Variants in PTPRD observed in about 807,000 individuals in gnomAD.
The protein encoded by PTPRD is receptor-type tyrosine-protein phosphatase delta.
A neutral mutation model predicts 214.5 loss-of-function variants in PTPRD; 34 were observed. That is an observed-to-expected ratio of 0.16 (90% CI 0.12 to 0.21). The LOEUF (loss-of-function observed/expected upper bound fraction) is 0.21, where lower values mean the gene tolerates loss of function less well. Ranked by LOEUF, PTPRD falls within the 10% of genes least tolerant of loss-of-function variation. The pLI is 1.00. For missense variants in PTPRD, 2,545 were observed against 2,398.7 expected, an observed-to-expected ratio of 1.06 and a Z score of -1.27; for synonymous variants, 1,128 against 845.7, an observed-to-expected ratio of 1.33 and a Z score of -5.79.
chr9:9,234,437 G>A (rs1219569305), intron 9 of PTPRD, among the ~76,000 whole-genome samples: 1 of 152,158 alleles, frequency 6.6e-6, no homozygotes, highest in Admixed American at 6.5e-5. Context: ...AACATGCCCT[G>A]GAGACATTTT....
intron 2 of PTPRD, among the ~76,000 whole-genome samples, chr9:10,439,244 CT>C (rs2098743007): frequency 6.6e-6 from 1 of 151,764 alleles, no homozygotes; most frequent in African/African-American, 2.4e-5. Flanking sequence ...AGTACTTCCC[CT>C]GAATGACTTT....
chr9:9,834,882 A>T (rs1476685478), intron 5 of PTPRD, among the ~76,000 whole-genome samples: 1 of 152,040 alleles, frequency 6.6e-6, no homozygotes, highest in African/African-American at 2.4e-5. Flanking sequence ...TCCTGGAGCA[A>T]AAACTGTGTC....
chr9:8,430,695 C>T (rs1024402779), intron 35 of PTPRD, among the ~76,000 whole-genome samples: 3 of 152,054 alleles, frequency 2.0e-5, no homozygotes, highest in African/African-American at 7.2e-5. Context: ...CAGGTGACGC[C>T]AATGCTGCTG....
chr9:9,433,323 A>C (rs914849128), intron 8 of PTPRD, among the ~76,000 whole-genome samples: 8 of 152,294 alleles, frequency 5.3e-5, no homozygotes, highest in Non-Finnish European at 1.2e-4. Context: ...TTCAGACTGA[A>C]CTGACACACA....
intron 3 of PTPRD, among the ~76,000 whole-genome samples, chr9:10,239,623 T>C (rs1352467432): frequency 1.3e-5 from 2 of 151,842 alleles, no homozygotes; most frequent in South Asian, 2.1e-4. Flanking sequence ...AGAATAATAA[T>C]AATGAACGTT....
chr9:9,629,676 G>T (rs1361472112), intron 7 of PTPRD, among the ~76,000 whole-genome samples: 3 of 152,190 alleles, frequency 2.0e-5, no homozygotes, highest in Non-Finnish European at 4.4e-5. Flanking sequence ...ACCTGTTGCT[G>T]TCTCTATCCC....
chr9:9,724,349 A>ATAT (rs2098034787), intron 7 of PTPRD, among the ~76,000 whole-genome samples: 1 of 152,174 alleles, frequency 6.6e-6, no homozygotes, highest in South Asian at 2.1e-4. Context: ...GAGGGTGTTT[A>ATAT]TCATCTCTCA....
intron 8 of PTPRD, among the ~76,000 whole-genome samples, chr9:9,528,455 G>A (rs1185933095): frequency 6.6e-6 from 1 of 151,828 alleles, no homozygotes; most frequent in African/African-American, 2.4e-5. Context: ...AACTGAGAAA[G>A]CTTTAAAAAA....
intron 8 of PTPRD, among the ~76,000 whole-genome samples, chr9:9,572,848 C>T (rs924911829): frequency 1.3e-5 from 2 of 151,056 alleles, no homozygotes; most frequent in South Asian, 4.2e-4. Flanking sequence ...ATTATAATAC[C>T]CCTATTCACA....
chr9:8,998,465 A>T (rs1457166061), intron 11 of PTPRD, among the ~76,000 whole-genome samples: 2 of 152,006 alleles, frequency 1.3e-5, no homozygotes, highest in Non-Finnish European at 2.9e-5. Flanking sequence ...TGAATATTTT[A>T]AGCCCATTGT....
intron 11 of PTPRD, among the ~76,000 whole-genome samples, chr9:8,759,083 T>C (rs2154474264): frequency 6.6e-6 from 1 of 151,606 alleles, no homozygotes; most frequent in South Asian, 2.1e-4. Flanking sequence ...CAGGCTGGAG[T>C]ACAGTGACAC....
chr9:9,941,672 G>A (rs2091486315), intron 4 of PTPRD, among the ~76,000 whole-genome samples: 1 of 152,180 alleles, frequency 6.6e-6, no homozygotes. Context: ...AAAGGGTTCA[G>A]TAACTTCAAT....
At chr9:10,337,878 TCTC>T (rs2096870869) in intron 3 of PTPRD, among the ~76,000 whole-genome samples, 1 of 151,724 alleles carries the variant, frequency 6.6e-6, no homozygotes, top group South Asian at 2.1e-4. Context: ...ATGCTTTTGA[TCTC>T]CTTGCCAAGC....
chr9:10,464,736 C>T (rs554258441), intron 2 of PTPRD, among the ~76,000 whole-genome samples: 55 of 151,786 alleles, frequency 3.6e-4, no homozygotes, highest in Non-Finnish European at 7.5e-4. Flanking sequence ...AAAAACTCAT[C>T]GTCTCATGTA....
intron 2 of PTPRD, among the ~76,000 whole-genome samples, chr9:10,421,732 ACTTG>A (rs2098547780): frequency 6.6e-6 from 1 of 151,648 alleles, no homozygotes; most frequent in African/African-American, 2.4e-5. Context: ...TTTCATAGAA[ACTTG>A]CTTGTTATTT....
chr9:10,119,624 T>C lies in PTPRD; in HGVS notation c.-544-85834A>G, dbSNP rs143146789. Among the ~76,000 whole-genome samples the C allele has an allele frequency of 6.0e-4, 91 of 152,126 alleles. No homozygotes were observed. The Middle Eastern group carries it at 0.014, about 23-fold the overall frequency. On this transcript the variant is annotated intron_variant, in intron 3 of 45. Coordinates refer to ENST00000381196, the MANE Select transcript of PTPRD (RefSeq NM_002839.4). Reference sequence around the variant, plus strand: ...ATTATTGAGGGAACCGGTAAGATATTGGATGATAAAGCTGGTTGTGATAAT... The same window carrying C: ...ATTATTGAGGGAACCGGTAAGATATCGGATGATAAAGCTGGTTGTGATAAT...
At chr9:8,938,728 G>A (rs2099013471) in intron 11 of PTPRD, among the ~76,000 whole-genome samples, 1 of 151,840 alleles carries the variant, frequency 6.6e-6, no homozygotes, top group Admixed American at 6.6e-5. Flanking sequence ...AAAAAAGTCA[G>A]TACCATTACT....
chr9:10,201,324 T>A (rs891558284), intron 3 of PTPRD, among the ~76,000 whole-genome samples: 2 of 152,044 alleles, frequency 1.3e-5, no homozygotes, highest in Admixed American at 1.3e-4. Flanking sequence ...ATGGCATTAG[T>A]TATAATGATA....
At chr9:9,776,809 CCAA>C (rs1232725917) in intron 5 of PTPRD, among the ~76,000 whole-genome samples, 2 of 152,130 alleles carry the variant, frequency 1.3e-5, no homozygotes, top group Non-Finnish European at 2.9e-5. Flanking sequence ...TATTCTCTTT[CCAA>C]CAACTGCTCA....
Sources: allele counts gnomAD v4.1 joint callset (sites outside exome capture counted in the v4.1 genomes callset), GRCh38; gene constraint gnomAD v4.1.1; transcripts MANE v1.5; gene names NCBI Gene and HGNC (gene_info 2026-07-23, HGNC 2026-07-21).